The following SLC25A30 variants were observed in gnomAD, a reference collection of about 807,000 sequenced individuals.
SLC25A30 encodes the protein solute carrier family 25 member 30, also known as kidney mitochondrial carrier protein 1.
In SLC25A30, 29 loss-of-function variants were observed where a neutral mutation model predicts 42.7. That is an observed-to-expected ratio of 0.68 (90% CI 0.51 to 0.93). The LOEUF (loss-of-function observed/expected upper bound fraction) is 0.93. SLC25A30 is among the 40% of genes least tolerant of loss of function. SLC25A30 has a pLI of 0.00. For synonymous variants in SLC25A30, 124 were observed against 131.0 expected (o/e 0.95, Z 0.37); for missense variants, 300 against 359.7 (o/e 0.83, Z 1.34).
In SLC25A30 at chr13:45,402,077, AAAAAAT is replaced by A. The variant is rs1405838442; in HGVS notation, c.489+192_489+197del. Among the ~76,000 whole-genome samples the A allele has an allele frequency of 4.0e-3, 608 of 151,672 alleles. 3 individuals carry two copies. The highest frequency in any genetic ancestry group is 0.014 in the African/African-American group (574 of 41,200). On this transcript the variant is annotated intron_variant, in intron 6 of 9. Coordinates refer to ENST00000519676, the MANE Select transcript of SLC25A30 (RefSeq NM_001010875.4). ...TCCATCTCAAAAAAAAAAAAAAAAA[AAAAAAT>A]CATGACATATTCCTTATATTCCCAT...
the SLC25A30 span, among the ~76,000 whole-genome samples, chr13:45,423,866 A>ATATAAATATG: frequency 1.6e-3 from 108 of 68,556 alleles, 2 homozygotes; most frequent in Non-Finnish European, 2.6e-3. Context: ...ATATAAATAT[A>ATATAAATATG]TATAAAATAT....
chr13:45,430,338 T>C, the SLC25A30 span, among the ~76,000 whole-genome samples: 7 of 152,002 alleles, frequency 4.6e-5, no homozygotes, highest in African/African-American at 1.4e-4. Flanking sequence ...TATAGAGACA[T>C]GATATCTCTA....
the SLC25A30 span, among the ~76,000 whole-genome samples, chr13:45,425,254 A>G: frequency 1.9e-5 from 2 of 105,690 alleles, no homozygotes; most frequent in East Asian, 2.5e-4. Context: ...ATAAATATAT[A>G]TACGTATATA....
intron 1 of SLC25A30, among the ~76,000 whole-genome samples, chr13:45,416,362 C>T (rs1005028731): frequency 2.6e-5 from 4 of 151,548 alleles, no homozygotes; most frequent in Non-Finnish European, 5.9e-5. Context: ...AAGCTGAGAC[C>T]GCACCACTGC....
At chr13:45,424,626 T>TAAATATATATAAATATATAG in the SLC25A30 span, among the ~76,000 whole-genome samples, 4 of 58,462 alleles carry the variant, frequency 6.8e-5, no homozygotes. Context: ...TAAATATATA[T>TAAATATATATAAATATATAG]AAATATGTAT....
the SLC25A30 span, among the ~76,000 whole-genome samples, chr13:45,428,428 C>T: frequency 2.7e-5 from 4 of 149,704 alleles, no homozygotes. Context: ...AGGCTGATCT[C>T]GATCTCTTGA....
At position 45,395,998 on chromosome 13, in the gene SLC25A30, C is replaced by A; in HGVS notation, c.852G>T (p.Glu284Asp). Residue 284 changes from glutamate (E) to aspartate (D), a missense_variant, in exon 10 of 10, where the codon GAG (glutamate) becomes GAT (aspartate). By Grantham distance (45) the Glu-to-Asp change is conservative (BLOSUM62 2). Transcript: ENST00000519676. ...PWNIIFFVTY[E>D]QLKKLDL ...GTCACAAATCCAATTTCTTCAACTG[C>A]TCGTATGTCACAAAGAACTGTGGTT... The A allele has an allele frequency of 6.2e-7, 1 of 1,614,190 alleles. No individual in the cohort carries two copies. The highest frequency in any genetic ancestry group is 1.1e-5 in the South Asian group (1 of 91,086).
At chr13:45,424,717 A>C in the SLC25A30 span, among the ~76,000 whole-genome samples, 3 of 64,614 alleles carry the variant, frequency 4.6e-5, 1 homozygote, top group Non-Finnish European at 8.6e-5. Context: ...ATACATATAT[A>C]AATATATATA....
upstream of SLC25A30, among the ~76,000 whole-genome samples, chr13:45,421,939 A>G (rs1883900559): frequency 6.6e-6 from 1 of 152,132 alleles, no homozygotes; most frequent in Admixed American, 6.6e-5. Flanking sequence ...GGCACTTCTC[A>G]AGTAGCTGGG....
the SLC25A30 span, among the ~76,000 whole-genome samples, chr13:45,426,401 T>G: frequency 6.6e-6 from 1 of 152,308 alleles, no homozygotes; most frequent in East Asian, 1.9e-4. Flanking sequence ...TTATATTTTT[T>G]AAGTGGCTAC....
chr13:45,424,846 A>ATATACATATG, the SLC25A30 span, among the ~76,000 whole-genome samples: 2 of 57,422 alleles, frequency 3.5e-5, no homozygotes, highest in African/African-American at 1.4e-4. Flanking sequence ...ATAAAAATAT[A>ATATACATATG]TATAAATATA....
chr13:45,426,566 C>T, the SLC25A30 span, among the ~76,000 whole-genome samples: 2 of 152,168 alleles, frequency 1.3e-5, no homozygotes, highest in African/African-American at 2.4e-5. Context: ...GCAGTCTGGT[C>T]TCAGCTGTGC....
intron 6 of SLC25A30, 67 bp from the exon 7 acceptor site, chr13:45,401,274 G>A: frequency 6.6e-7 from 1 of 1,514,458 alleles, no homozygotes. Context: ...TTGCAAATGT[G>A]CAAAGGTTCT....
chr13:45,415,784 C>A (rs116082129), intron 1 of SLC25A30, among the ~76,000 whole-genome samples: 5,956 of 144,018 alleles, frequency 0.041, 291 homozygotes, highest in African/African-American at 0.11. Context: ...GCTGTTGGTG[C>A]CTGGCTGAAT....
chr13:45,426,529 C>G, the SLC25A30 span, among the ~76,000 whole-genome samples: 3 of 152,088 alleles, frequency 2.0e-5, no homozygotes, highest in Non-Finnish European at 4.4e-5. Flanking sequence ...CTACGTGAAC[C>G]TTTAGCAAAA....
At chr13:45,425,089 A>AATGTAT in the SLC25A30 span, among the ~76,000 whole-genome samples, 3 of 2,102 alleles carry the variant, frequency 1.4e-3, 1 homozygote, top group African/African-American at 2.7e-3. Flanking sequence ...TAAATATATA[A>AATGTAT]ATATATTTAT....
the SLC25A30 span, among the ~76,000 whole-genome samples, chr13:45,430,090 GA>G: frequency 7.3e-5 from 11 of 151,522 alleles, no homozygotes; most frequent in Middle Eastern, 3.4e-3. Flanking sequence ...TCAATTCCAG[GA>G]AAAAACAGAG....
At chr13:45,396,543 G>A in intron 9 of SLC25A30, 1 of 176,360 alleles carries the variant, frequency 5.7e-6, no homozygotes, top group East Asian at 1.8e-4. Flanking sequence ...GGAGGCCAAG[G>A]GGCAGGTCAC....
intron 8 of SLC25A30, chr13:45,397,638 G>A (rs1881486817): frequency 8.8e-6 from 2 of 227,372 alleles, no homozygotes; most frequent in Admixed American, 5.4e-5. Context: ...GGAGCTTGCA[G>A]TGAGCCAAGA....
Sources: allele counts gnomAD v4.1 joint callset (sites outside exome capture counted in the v4.1 genomes callset), GRCh38; gene constraint gnomAD v4.1.1; transcripts MANE v1.5; gene names NCBI Gene and HGNC (gene_info 2026-07-23, HGNC 2026-07-21).